The following FBXL7 variants were observed in gnomAD, a reference collection of about 807,000 sequenced individuals.
FBXL7 encodes the protein F-box/LRR-repeat protein 7.
FBXL7 carries 12 observed loss-of-function variants against 38.3 expected under a neutral mutation model. That is an observed-to-expected ratio of 0.31 (90% CI 0.20 to 0.51). The LOEUF is 0.51. FBXL7 is among the 20% of genes least tolerant of loss of function. The probability of loss-of-function intolerance (pLI) is 0.98; values close to 1 mark genes in which losing one functional copy is unlikely to be tolerated. For missense variants in FBXL7, 567 were observed against 676.4 expected (o/e 0.84, Z 1.79); for synonymous variants, 297 against 300.9 (o/e 0.99, Z 0.13).
At chr5:15,515,817 T>G (rs548729681) in intron 1 of FBXL7, among the ~76,000 whole-genome samples, 2 of 152,210 alleles carry the variant, frequency 1.3e-5, no homozygotes, top group Non-Finnish European at 2.9e-5. Context: ...AAAATTAATA[T>G]GTACTCATGA....
chr5:15,668,627 G>A (rs1009188958), intron 2 of FBXL7, among the ~76,000 whole-genome samples: 7 of 152,096 alleles, frequency 4.6e-5, no homozygotes, highest in Non-Finnish European at 1.0e-4. Flanking sequence ...GAAGTGGAAG[G>A]CCATATTTTG....
chr5:15,677,932 C>G (rs1382636185), intron 2 of FBXL7, among the ~76,000 whole-genome samples: 1 of 152,156 alleles, frequency 6.6e-6, no homozygotes, highest in Non-Finnish European at 1.5e-5. Context: ...CTTAAACCAC[C>G]TTTCACCTTC....
intron 1 of FBXL7, among the ~76,000 whole-genome samples, chr5:15,583,328 C>A (rs893854820): frequency 5.3e-5 from 8 of 152,150 alleles, no homozygotes; most frequent in Non-Finnish European, 1.0e-4. Flanking sequence ...CTGCTCCTGG[C>A]CCCTCCCAAA....
At chr5:15,547,844 A>G (rs1458629701) in intron 1 of FBXL7, among the ~76,000 whole-genome samples, 1 of 152,240 alleles carries the variant, frequency 6.6e-6, no homozygotes, top group Non-Finnish European at 1.5e-5. Flanking sequence ...AGAAGGGGAT[A>G]GAACTAAGTC....
chr5:15,523,574 T>C (rs1737164282), intron 1 of FBXL7, among the ~76,000 whole-genome samples: 1 of 149,586 alleles, frequency 6.7e-6, no homozygotes, highest in Non-Finnish European at 1.5e-5. Context: ...AAAAAAAAAA[T>C]CACATAGTAG....
chr5:15,839,255 TTATC>T (rs1451747784), intron 2 of FBXL7, among the ~76,000 whole-genome samples: 1 of 152,240 alleles, frequency 6.6e-6, no homozygotes, highest in Admixed American at 6.5e-5. Flanking sequence ...GTAGTCAAAT[TTATC>T]TATCATTTTG....
rs543838149 is a variant in FBXL7, at chr5:15,883,440, T to A, written c.128-44450T>A. ...ATAGAAAAACTGTGATTCACCAAAC[T>A]AGATTTCCCACATGTTGGTTTCTCA... is the stretch of plus-strand genomic sequence containing the variant. On this transcript the variant is annotated intron_variant, in intron 2 of 3. Transcript: ENST00000504595. Among the ~76,000 whole-genome samples the A allele has an allele frequency of 9.8e-5, 15 of 152,348 alleles. 1 individual carries two copies. The highest frequency in any genetic ancestry group is 3.6e-4 in the African/African-American group (15 of 41,588).
At chr5:15,575,525 G>A (rs1324725871) in intron 1 of FBXL7, among the ~76,000 whole-genome samples, 3 of 152,138 alleles carry the variant, frequency 2.0e-5, no homozygotes, top group African/African-American at 7.2e-5. Context: ...GGCATAAATG[G>A]ATGGCCATTT....
chr5:15,856,824 C>T (rs188578924), intron 2 of FBXL7, among the ~76,000 whole-genome samples: 85 of 152,118 alleles, frequency 5.6e-4, no homozygotes, highest in Admixed American at 1.2e-3. Context: ...ATGACTCCTT[C>T]CAAACTCCTT....
intron 2 of FBXL7, among the ~76,000 whole-genome samples, chr5:15,828,041 T>C (rs1738361295): frequency 6.6e-6 from 1 of 152,208 alleles, no homozygotes; most frequent in African/African-American, 2.4e-5. Context: ...TAGGCAACCA[T>C]CCAGGCTTTA....
intron 2 of FBXL7, among the ~76,000 whole-genome samples, 186 bp from the exon 3 acceptor site, chr5:15,927,704 G>A (rs1280746081): frequency 6.7e-6 from 1 of 148,888 alleles, no homozygotes; most frequent in Non-Finnish European, 1.5e-5. Flanking sequence ...GAACCCAGGA[G>A]GCGGAGGTTG....
chr5:15,605,664 G>T (rs973001059), intron 1 of FBXL7, among the ~76,000 whole-genome samples: 1 of 152,096 alleles, frequency 6.6e-6, no homozygotes, highest in African/African-American at 2.4e-5. Context: ...AGTGAAGATG[G>T]TTGCACGCAT....
chr5:15,801,790 C>G (rs1357784826), intron 2 of FBXL7, among the ~76,000 whole-genome samples: 1 of 151,374 alleles, frequency 6.6e-6, no homozygotes, highest in Non-Finnish European at 1.5e-5. Flanking sequence ...GCTAAAGATT[C>G]TAACCCCAAA....
intron 2 of FBXL7, among the ~76,000 whole-genome samples, chr5:15,761,431 C>G (rs1736436607): frequency 6.6e-6 from 1 of 152,164 alleles, no homozygotes; most frequent in South Asian, 2.1e-4. Flanking sequence ...AGGTAGGAAA[C>G]AAAAGATTTA....
chr5:15,520,141 G>A (rs1177035735), intron 1 of FBXL7, among the ~76,000 whole-genome samples: 3 of 152,168 alleles, frequency 2.0e-5, no homozygotes, highest in Non-Finnish European at 2.9e-5. Flanking sequence ...ACAACCAGAG[G>A]TCACTCTTGT....
intron 2 of FBXL7, among the ~76,000 whole-genome samples, chr5:15,700,397 A>T (rs953800964): frequency 6.6e-6 from 1 of 152,222 alleles, no homozygotes; most frequent in Non-Finnish European, 1.5e-5. Flanking sequence ...GGCTGTTTCA[A>T]AGTAATTGTA....
intron 1 of FBXL7, among the ~76,000 whole-genome samples, chr5:15,588,333 C>T (rs1045632059): frequency 4.0e-5 from 6 of 151,572 alleles, no homozygotes; most frequent in African/African-American, 1.5e-4. Context: ...AAATCAGTGA[C>T]TTCACTCATC....
At position 15,640,261 on chromosome 5, in the gene FBXL7, G is replaced by A. The variant is rs538748633; in HGVS notation, c.127+24189G>A. On this transcript the variant is annotated intron_variant, in intron 2 of 3. Transcript: ENST00000504595. ...TCTGTAGGGAAGGGTCCTTTCTTGC[G>A]TTTCTCAGCCTCTTTTGGTTCCCGA... 5.3e-5 allele frequency among the ~76,000 whole-genome samples: 8 copies of A among 152,186 alleles called. No individual in the cohort carries two copies. The South Asian group carries it at 6.2e-4, about 12-fold the overall frequency.
intron 2 of FBXL7, among the ~76,000 whole-genome samples, chr5:15,784,807 A>G (rs534133352): frequency 2.4e-4 from 37 of 152,200 alleles, no homozygotes; most frequent in Non-Finnish European, 5.0e-4. Context: ...CCATGAGCCA[A>G]TTAAACCTCT....
Sources: gnomAD v4.1 joint callset for allele counts (sites outside exome capture counted in the v4.1 genomes callset) on GRCh38, gnomAD v4.1.1 for gene constraint, MANE v1.5 for transcripts, NCBI Gene and HGNC (gene_info 2026-07-23, HGNC 2026-07-21) for gene names.